Variants in MTUS1 observed in about 807,000 individuals in gnomAD.
The protein encoded by MTUS1 is microtubule-associated tumor suppressor 1.
A neutral mutation model predicts 120.8 loss-of-function variants in MTUS1; 109 were observed. The observed-to-expected ratio is 0.90, with a 90% CI of 0.77 to 1.06. The LOEUF (loss-of-function observed/expected upper bound fraction) is 1.06. Ranked by LOEUF, MTUS1 falls within the 50% of genes least tolerant of loss-of-function variation. MTUS1 has a pLI of 0.00. For missense variants in MTUS1, 2,210 were observed against 1,486.3 expected, an observed-to-expected ratio of 1.49 and a Z score of -8.01; for synonymous variants, 737 against 550.5, an observed-to-expected ratio of 1.34 and a Z score of -4.74.
chr8:17,693,935 CAAGGGA>C (rs1029626579), intron 6 of MTUS1, among the ~76,000 whole-genome samples: 1 of 152,168 alleles, frequency 6.6e-6, no homozygotes. Flanking sequence ...AGTCTAGAAG[CAAGGGA>C]AAGGCTGGAG....
intron 6 of MTUS1, among the ~76,000 whole-genome samples, chr8:17,700,261 A>G (rs2904720): frequency 0.79 from 119,446 of 151,488 alleles, 47,309 homozygotes; most frequent in Middle Eastern, 0.89. Flanking sequence ...CTGAGGTCAG[A>G]AGTTCAAGAC....
chr8:17,688,619 C>T (rs570643749), intron 6 of MTUS1, among the ~76,000 whole-genome samples: 1 of 152,236 alleles, frequency 6.6e-6, no homozygotes, highest in Non-Finnish European at 1.5e-5. Context: ...CACAGGGACA[C>T]TGACACAGAA....
At chr8:17,662,244 C>G (rs1232850751) in intron 8 of MTUS1, among the ~76,000 whole-genome samples, 1 of 151,802 alleles carries the variant, frequency 6.6e-6, no homozygotes, top group Non-Finnish European at 1.5e-5. Flanking sequence ...AAAGCCAAAA[C>G]CAAACATAAA....
chr8:17,688,310 A>G lies in MTUS1; in HGVS notation c.2624-3768T>C, dbSNP rs114802075. On this transcript the variant is annotated intron_variant, in intron 6 of 14. Coordinates refer to ENST00000693296, the MANE Select transcript of MTUS1 (RefSeq NM_001363059.2). ...TGCGGGGACAGGAGAAGTATCACATAAGAGGGTGGTATTGCTCAGAGAGGC... is the reference window on the plus strand; with the variant it reads ...TGCGGGGACAGGAGAAGTATCACATGAGAGGGTGGTATTGCTCAGAGAGGC... Among the ~76,000 whole-genome samples, 814 of 152,266 alleles carry G rather than the reference A, an allele frequency of 5.3e-3. 14 individuals carry two copies. The highest frequency in any genetic ancestry group is 0.018 in the African/African-American group (751 of 41,550).
intron 13 of MTUS1, 73 bp downstream of exon 13, chr8:17,649,773 C>G (rs1438896764): frequency 1.2e-5 from 10 of 825,076 alleles, no homozygotes; most frequent in African/African-American, 1.2e-4. Flanking sequence ...CTCCACAGTT[C>G]TAAAATGCAG....
At chr8:17,763,993 T>C (rs561131617) in intron 1 of MTUS1, among the ~76,000 whole-genome samples, 7 of 152,296 alleles carry the variant, frequency 4.6e-5, no homozygotes, top group African/African-American at 1.7e-4. Context: ...GAATCCCTCC[T>C]TGGAGGATTA....
At chr8:17,765,380 G>C (rs532493471) in intron 1 of MTUS1, among the ~76,000 whole-genome samples, 1 of 152,216 alleles carries the variant, frequency 6.6e-6, no homozygotes, top group South Asian at 2.1e-4. Context: ...TGTAATCCCA[G>C]CACTTTGGGA....
Position 17,762,863 on chromosome 8 carries a change from C to T in MTUS1, c.-154-6902G>A, listed in dbSNP as rs111554042. On this transcript the variant is annotated intron_variant, in intron 1 of 14. Coordinates refer to ENST00000693296, the MANE Select transcript of MTUS1 (RefSeq NM_001363059.2). ...ATTTCTATCCTTCTCCCTGGTGATA[C>T]CAATCCTTTTGGTCCATGGGCCACC... Among the ~76,000 whole-genome samples the T allele has an allele frequency of 1.1e-3, 166 of 152,306 alleles. 2 individuals are homozygous for T. The highest frequency in any genetic ancestry group is 3.9e-3 in the African/African-American group (163 of 41,554).
At position 17,661,832 on chromosome 8, in the gene MTUS1, G is replaced by A. The variant is rs115787934; in HGVS notation, c.2906-5767C>T. On this transcript the variant is annotated intron_variant, in intron 8 of 14. Transcript: ENST00000693296. Reference sequence around the variant, plus strand: ...TGACATCAGCCTGCAGCTGTGCACAGACCTTTGCTCTGTTTACTGGCCCGG... The same window carrying A: ...TGACATCAGCCTGCAGCTGTGCACAAACCTTTGCTCTGTTTACTGGCCCGG... Among the ~76,000 whole-genome samples the A allele has an allele frequency of 2.5e-3, 374 of 152,318 alleles. 3 individuals carry two copies. Among genetic ancestry groups the A allele is most frequent in the African/African-American group, 8.8e-3 (365 of 41,578 alleles).
chr8:17,657,746 G>C (rs1010620307), intron 8 of MTUS1, among the ~76,000 whole-genome samples: 1 of 137,974 alleles, frequency 7.2e-6, no homozygotes, highest in African/African-American at 2.7e-5. Context: ...AGGATCACTT[G>C]AGCTCAGGAG....
chr8:17,719,858 T>G (rs898604177), intron 4 of MTUS1, among the ~76,000 whole-genome samples: 1 of 152,124 alleles, frequency 6.6e-6, no homozygotes, highest in Non-Finnish European at 1.5e-5. Context: ...GCTTAATCAC[T>G]TGAACAACTC....
At chr8:17,702,046 A>C (rs1187370158) in intron 6 of MTUS1, among the ~76,000 whole-genome samples, 1 of 152,196 alleles carries the variant, frequency 6.6e-6, no homozygotes, top group Non-Finnish European at 1.5e-5. Flanking sequence ...AATTCCTGTA[A>C]GGTATATAGG....
chr8:17,740,412 G>A (rs1327713114), intron 3 of MTUS1, among the ~76,000 whole-genome samples: 2 of 152,172 alleles, frequency 1.3e-5, no homozygotes, highest in Non-Finnish European at 2.9e-5. Context: ...CAGAGTAACT[G>A]TGAGTCAGTA....
rs1269278014 is a variant in MTUS1, at chr8:17,786,075, G to C, written c.-155+14986C>G. 2.0e-5 allele frequency among the ~76,000 whole-genome samples: 3 copies of C among 152,180 alleles called. No homozygotes were observed. In the East Asian group the frequency reaches 5.8e-4, roughly 29 times the overall value. Reference sequence around the variant, plus strand: ...GGATCACTTCAGCCCAGAAGTTAGAGGCTGCCGTGAGCCAAGACTGTGCCA... The same window carrying C: ...GGATCACTTCAGCCCAGAAGTTAGACGCTGCCGTGAGCCAAGACTGTGCCA... On this transcript the variant is annotated intron_variant, in intron 1 of 14. Coordinates refer to ENST00000693296, the MANE Select transcript of MTUS1 (RefSeq NM_001363059.2).
At chr8:17,721,266 C>T (rs1428639623) in intron 4 of MTUS1, among the ~76,000 whole-genome samples, 1 of 152,282 alleles carries the variant, frequency 6.6e-6, no homozygotes, top group South Asian at 2.1e-4. Flanking sequence ...ATGATTTTTT[C>T]ATGTTTTGAG....
chr8:17,767,572 C>A (rs1032562300), intron 1 of MTUS1, among the ~76,000 whole-genome samples: 6 of 151,374 alleles, frequency 4.0e-5, no homozygotes, highest in African/African-American at 1.5e-4. Context: ...GGGGTGCACA[C>A]CTATGGTCCC....
chr8:17,746,459 C>T (rs1390659144), intron 2 of MTUS1, among the ~76,000 whole-genome samples: 1 of 152,142 alleles, frequency 6.6e-6, no homozygotes, highest in Non-Finnish European at 1.5e-5. Context: ...GCTAGGGAGG[C>T]TTCACAATCA....
chr8:17,680,674 G>C (rs189864022), intron 7 of MTUS1, among the ~76,000 whole-genome samples: 2 of 152,132 alleles, frequency 1.3e-5, no homozygotes, highest in African/African-American at 2.4e-5. Context: ...TTTTCCTCTA[G>C]CGTTGGATCA....
chr8:17,669,467 A>T (rs1811565986), intron 8 of MTUS1, among the ~76,000 whole-genome samples: 1 of 151,984 alleles, frequency 6.6e-6, no homozygotes, highest in African/African-American at 2.4e-5. Flanking sequence ...GGAAGATTTC[A>T]ATCAGTCAAA....
Sources: gnomAD v4.1 joint callset for allele counts (sites outside exome capture counted in the v4.1 genomes callset) on GRCh38, gnomAD v4.1.1 for gene constraint, MANE v1.5 for transcripts, NCBI Gene and HGNC (gene_info 2026-07-23, HGNC 2026-07-21) for gene names.